Variants in LRRC63 observed in about 807,000 individuals in gnomAD.
LRRC63 encodes leucine rich repeat containing 63.
In LRRC63, 40 loss-of-function variants were observed where a neutral mutation model predicts 49.5. The observed-to-expected ratio is 0.81, with a 90% CI of 0.63 to 1.05. The LOEUF (loss-of-function observed/expected upper bound fraction) is 1.05, where lower values mean the gene tolerates loss of function less well. Ranked by LOEUF, LRRC63 falls within the 50% of genes least tolerant of loss-of-function variation. The pLI is 0.00. For missense variants in LRRC63, 636 were observed against 663.1 expected, an observed-to-expected ratio of 0.96 and a Z score of 0.45; for synonymous variants, 191 against 221.1, an observed-to-expected ratio of 0.86 and a Z score of 1.21.
At chr13:46,236,479 G>A (rs139107257) in intron 5 of LRRC63, among the ~76,000 whole-genome samples, 1 of 152,280 alleles carries the variant, frequency 6.6e-6, no homozygotes, top group East Asian at 1.9e-4. Flanking sequence ...CAGCCAGTTT[G>A]TTGCCAGAAA....
chr13:46,267,594 C>T (rs7999752), intron 9 of LRRC63, among the ~76,000 whole-genome samples: 34,657 of 152,008 alleles, frequency 0.23, 4,673 homozygotes, highest in East Asian at 0.35. Flanking sequence ...CCCAGGAATA[C>T]ATAAATTAGA....
chr13:46,250,390 G>A (rs1208728338), exon 7 of LRRC63: 1 of 1,521,772 alleles, frequency 6.6e-7, no homozygotes, highest in African/African-American at 1.4e-5. Context: ...TACTGAAATT[G>A]AGAAATAATC....
At chr13:46,242,535 T>G (rs2047093025) in intron 5 of LRRC63, among the ~76,000 whole-genome samples, 1 of 152,142 alleles carries the variant, frequency 6.6e-6, no homozygotes, top group African/African-American at 2.4e-5. Context: ...TTCCCAAATC[T>G]GGAGATAACC....
chr13:46,243,574 C>T (rs532594278), intron 5 of LRRC63, among the ~76,000 whole-genome samples: 2 of 152,134 alleles, frequency 1.3e-5, no homozygotes, highest in East Asian at 1.9e-4. Context: ...AGATATTCCA[C>T]GTAAATTGAA....
intron 5 of LRRC63, among the ~76,000 whole-genome samples, chr13:46,236,370 AT>A (rs2046904965): frequency 6.6e-6 from 1 of 152,176 alleles, no homozygotes; most frequent in Non-Finnish European, 1.5e-5. Context: ...ACAATGAGAC[AT>A]ATAATCTAAT....
At chr13:46,245,493 AT>A (rs1311389368) in intron 5 of LRRC63, among the ~76,000 whole-genome samples, 2 of 152,174 alleles carry the variant, frequency 1.3e-5, no homozygotes, top group African/African-American at 4.8e-5. Context: ...AAAGATTGAA[AT>A]ATTGTAGTTC....
At chr13:46,229,671 C>T (rs1330080500) in intron 4 of LRRC63, among the ~76,000 whole-genome samples, 1 of 152,150 alleles carries the variant, frequency 6.6e-6, no homozygotes, top group East Asian at 1.9e-4. Context: ...GCTGTAGTCT[C>T]AGTTCTTGAG....
intron 7 of LRRC63, among the ~76,000 whole-genome samples, chr13:46,254,428 C>T (rs2138543327): frequency 6.6e-6 from 1 of 152,240 alleles, no homozygotes; most frequent in African/African-American, 2.4e-5. Context: ...AAGAAGTCAT[C>T]AGCTCAGGTG....
At chr13:46,254,362 A>C (rs942486864) in intron 7 of LRRC63, among the ~76,000 whole-genome samples, 1 of 152,152 alleles carries the variant, frequency 6.6e-6, no homozygotes, top group Non-Finnish European at 1.5e-5. Context: ...TAGGGAATAG[A>C]TTGAAGATGT....
At chr13:46,268,749 A>G (rs2047715346) in intron 9 of LRRC63, among the ~76,000 whole-genome samples, 1 of 151,730 alleles carries the variant, frequency 6.6e-6, no homozygotes, top group South Asian at 2.1e-4. Context: ...ATGATTCCAG[A>G]AGCAAGTTCT....
intron 9 of LRRC63, among the ~76,000 whole-genome samples, chr13:46,273,156 G>T (rs2047782818): frequency 6.6e-6 from 1 of 152,156 alleles, no homozygotes; most frequent in African/African-American, 2.4e-5. Flanking sequence ...AAAGATTCAG[G>T]GATGAAATAG....
chr13:46,234,430 T>C (rs1467375373), intron 5 of LRRC63, 81 bp downstream of exon 5: 1 of 1,355,594 alleles, frequency 7.4e-7, no homozygotes, highest in African/African-American at 1.5e-5. Context: ...TAGATTAGTT[T>C]CCATGGTATT....
chr13:46,270,695 A>G (rs111838276), intron 9 of LRRC63: 10 of 664,166 alleles, frequency 1.5e-5, no homozygotes, highest in African/African-American at 1.3e-4. Context: ...CGAAAGGAGA[A>G]GAACCAGTAT....
At chr13:46,258,982 GA>G (rs1283339050) in intron 7 of LRRC63, among the ~76,000 whole-genome samples, 1 of 151,916 alleles carries the variant, frequency 6.6e-6, no homozygotes, top group Non-Finnish European at 1.5e-5. Context: ...AGTTAATAAA[GA>G]AAAAAGTTCT....
At chr13:46,219,743 T>G (rs931306273) in intron 2 of LRRC63, among the ~76,000 whole-genome samples, 2 of 152,266 alleles carry the variant, frequency 1.3e-5, no homozygotes, top group South Asian at 4.1e-4. Flanking sequence ...TGGATTTATC[T>G]ACCTTTGGTC....
chr13:46,226,456 A>G (rs1375026208), intron 2 of LRRC63, among the ~76,000 whole-genome samples: 1 of 152,216 alleles, frequency 6.6e-6, no homozygotes, highest in Admixed American at 6.5e-5. Context: ...TGATTCTCTT[A>G]TATTACTCTG....
intron 9 of LRRC63, among the ~76,000 whole-genome samples, chr13:46,271,244 TTC>T (rs963875016): frequency 1.3e-5 from 2 of 152,210 alleles, no homozygotes; most frequent in Non-Finnish European, 2.9e-5. Flanking sequence ...TTTAACCTAC[TTC>T]TGTTTGAACA....
intron 4 of LRRC63, 29 bp from the exon 5 acceptor site, chr13:46,234,163 T>A: frequency 6.6e-7 from 1 of 1,525,442 alleles, no homozygotes; most frequent in Non-Finnish European, 8.9e-7. Flanking sequence ...CATTTAAATT[T>A]TATGTTTTGT....
intron 4 of LRRC63, among the ~76,000 whole-genome samples, chr13:46,232,468 G>A (rs978383099): frequency 6.6e-6 from 1 of 152,190 alleles, no homozygotes; most frequent in African/African-American, 2.4e-5. Context: ...CTGCCAAAGT[G>A]TTGGGGCCTT....
Sources: gnomAD v4.1 joint callset for allele counts (sites outside exome capture counted in the v4.1 genomes callset) on GRCh38, gnomAD v4.1.1 for gene constraint, MANE v1.5 for transcripts, NCBI Gene and HGNC (gene_info 2026-07-23, HGNC 2026-07-21) for gene names.